Variants in RNF166 observed in about 807,000 individuals in gnomAD.
The protein encoded by RNF166 is ring finger protein 166, also known as E3 ubiquitin-protein ligase RNF166.
In RNF166, 19 loss-of-function variants were observed where a neutral mutation model predicts 29.4. The observed-to-expected ratio is 0.65, with a 90% confidence interval of 0.45 to 0.95. RNF166 has a LOEUF of 0.95. Ranked by LOEUF, RNF166 falls within the 40% of genes least tolerant of loss-of-function variation. The pLI is 0.00. For missense variants in RNF166, 347 were observed against 322.1 expected, an observed-to-expected ratio of 1.08 and a Z score of -0.59; for synonymous variants, 171 against 134.5, an observed-to-expected ratio of 1.27 and a Z score of -1.88.
chr16:88,699,559 G>T, intron 3 of RNF166, 61 bp downstream of exon 3: 3 of 1,352,202 alleles, frequency 2.2e-6, no homozygotes, highest in Non-Finnish European at 3.1e-6. Flanking sequence ...CACTGCGCTT[G>T]CTCCCAGAAC....
At chr16:88,698,267 G>A (rs79609892) in intron 5 of RNF166, 8 of 693,788 alleles carry the variant, frequency 1.2e-5, no homozygotes, top group Admixed American at 8.1e-5. Context: ...TGCCCTGTGC[G>A]GTCCATGTCC....
chr16:88,703,172 A>G, intron 1 of RNF166: 1 of 984,258 alleles, frequency 1.0e-6, no homozygotes, highest in South Asian at 4.7e-5. Context: ...GTGACCAGAA[A>G]GCAGACGGGT....
At position 88,697,338 on chromosome 16, in the gene RNF166, G is replaced by A; in HGVS notation, c.*230C>T. 1 of 430,874 alleles carries A rather than the reference G, an allele frequency of 2.3e-6. No homozygotes were observed. The highest frequency in any genetic ancestry group is 4.2e-6 in the Non-Finnish European group (1 of 237,896). 26.7% of individuals were successfully genotyped at this position (430,874 alleles called of 1,614,324 possible). A position where few individuals can be genotyped will look rare whatever the true frequency, so the allele number is the denominator to read the frequency against. ...AAGTAGGCCGCCTGCTCGGCCAGAA[G>A]CACCGAAGAACCCAGCGACGCCGGT... On this transcript the variant is annotated 3_prime_UTR_variant, in exon 6 of 6. Transcript: ENST00000312838.
chr16:88,698,949 G>A (rs192694044), intron 4 of RNF166, 22 bp downstream of exon 4: 20 of 1,532,644 alleles, frequency 1.3e-5, no homozygotes, highest in Admixed American at 1.9e-5. Flanking sequence ...CGCAGGCGTC[G>A]CTTGGGGCAG....
At position 88,698,482 on chromosome 16, in the gene RNF166, G is replaced by C. The variant is rs370819070; in HGVS notation, c.648+20C>G. The C allele has an allele frequency of 3.3e-6, 5 of 1,537,714 alleles. No individual in the cohort carries two copies. In the African/African-American group the frequency reaches 6.9e-5, roughly 21 times the overall value. On this transcript the variant is annotated intron_variant, in intron 5 of 5. Coordinates refer to ENST00000312838, the MANE Select transcript of RNF166 (RefSeq NM_178841.4). ...GGATGAGGAGGGCGTGGGGGAGGAC[G>C]GTGCTGGCGGGATGCCTACCACAAA... is the stretch of plus-strand genomic sequence containing the variant.
chr16:88,703,923 A>G, intron 1 of RNF166: 1 of 985,396 alleles, frequency 1.0e-6, no homozygotes, highest in Non-Finnish European at 1.2e-6. Flanking sequence ...GGCTGCTCAC[A>G]CAGCCCTTCC....
intron 1 of RNF166, among the ~76,000 whole-genome samples, chr16:88,705,232 C>G (rs997100171): frequency 5.3e-5 from 8 of 152,192 alleles, no homozygotes; most frequent in Non-Finnish European, 1.0e-4. Context: ...TCCCTCTGTA[C>G]CAGGAGCCCC....
At chr16:88,699,209 G>A in intron 3 of RNF166, 124 bp from the exon 4 acceptor site, 2 of 741,900 alleles carry the variant, frequency 2.7e-6, no homozygotes, top group South Asian at 3.2e-5. Flanking sequence ...CGTGGCAGTG[G>A]CTGGGTGCCC....
At chr16:88,702,779 C>G (rs538559040) in intron 1 of RNF166, 3 of 985,454 alleles carry the variant, frequency 3.0e-6, no homozygotes, top group Middle Eastern at 5.2e-4. Flanking sequence ...CCACCTCACC[C>G]GAGTTCTCAC....
At chr16:88,701,210 A>G (rs1459721308) in intron 2 of RNF166, 52 bp downstream of exon 2, 2 of 1,606,078 alleles carry the variant, frequency 1.2e-6, no homozygotes, top group African/African-American at 1.3e-5. Context: ...CCGTGGGCTG[A>G]GGCTGCCCAT....
intron 5 of RNF166, chr16:88,698,037 C>T (rs751464866): frequency 7.7e-6 from 4 of 522,064 alleles, no homozygotes; most frequent in African/African-American, 1.9e-5. Context: ...CAGGAATGAA[C>T]AGGGCGGCGC....
At chr16:88,700,710 G>A (rs1348572460) in intron 2 of RNF166, 3 of 987,542 alleles carry the variant, frequency 3.0e-6, no homozygotes, top group Non-Finnish European at 2.4e-6. Context: ...GGAGGGCCAC[G>A]GGGCACGGGC....
chr16:88,704,040 A>AG (rs1910529144), intron 1 of RNF166: 1 of 985,296 alleles, frequency 1.0e-6, no homozygotes, highest in Admixed American at 6.1e-5. Flanking sequence ...CTGGGCCCCC[A>AG]GGGGGCCTCC....
At chr16:88,705,444 C>A (rs1266780550) in intron 1 of RNF166, among the ~76,000 whole-genome samples, 1 of 152,240 alleles carries the variant, frequency 6.6e-6, no homozygotes, top group Non-Finnish European at 1.5e-5. Flanking sequence ...TAGGCTTCCT[C>A]CCAACGGGGC....
At chr16:88,702,946 G>A in intron 1 of RNF166, 1 of 985,562 alleles carries the variant, frequency 1.0e-6, no homozygotes, top group Non-Finnish European at 1.2e-6. Flanking sequence ...AGGCACTCAT[G>A]GCAGGAGAAG....
In RNF166 at chr16:88,698,530, C is replaced by A; in HGVS notation, c.620G>T (p.Arg207Leu). The change falls in exon 5 of 6, where the codon CGA becomes CTA. Residue 207 changes from arginine to leucine, a missense_variant. Physicochemically the swap from Arg to Leu is moderately radical, Grantham distance 102. Transcript: ENST00000312838. The stretch of plus-strand genomic sequence containing the variant: ...AAAGGTGTCGTAGGAGAACTTGTGT[C>A]GGTGAAGCAGGTGCTGCAGGAAGTT... ...SANFLQHLLH[R>L]HKFSYDTFVD... is the part of the protein sequence containing the mutation. 6.4e-7 allele frequency: 1 copy of A among 1,573,840 alleles called. No homozygotes were observed. The highest frequency in any genetic ancestry group is 8.6e-7 in the Non-Finnish European group (1 of 1,159,330).
intron 1 of RNF166, chr16:88,704,609 A>C (rs146580818): frequency 5.4e-4 from 518 of 966,944 alleles, no homozygotes; most frequent in Middle Eastern, 1.1e-3. Context: ...GGCTTTTCTA[A>C]AACAAGGCCT....
intron 3 of RNF166, among the ~76,000 whole-genome samples, 172 bp from the exon 4 acceptor site, chr16:88,699,257 C>G (rs1909960157): frequency 6.6e-6 from 1 of 152,250 alleles, no homozygotes; most frequent in South Asian, 2.1e-4. Context: ...TGAGGACACA[C>G]CCAGGACCCT....
chr16:88,701,547 C>A, intron 1 of RNF166, 129 bp from the exon 2 acceptor site: 1 of 888,750 alleles, frequency 1.1e-6, no homozygotes, highest in South Asian at 1.8e-5. Context: ...ACCGCTGTCG[C>A]CGTCTCTGGA....
Sources: allele counts gnomAD v4.1 joint callset (sites outside exome capture counted in the v4.1 genomes callset), GRCh38; gene constraint gnomAD v4.1.1; transcripts MANE v1.5; gene names NCBI Gene and HGNC (gene_info 2026-07-23, HGNC 2026-07-21).